Variants in CHSY1 observed in about 807,000 individuals in gnomAD.
CHSY1 encodes the protein N-acetylgalactosaminyl-proteoglycan 3-beta-glucuronosyltransferase 1.
In CHSY1, 13 loss-of-function variants were observed where a neutral mutation model predicts 59.8. The observed-to-expected ratio is 0.22, with a 90% CI of 0.14 to 0.35. The LOEUF (loss-of-function observed/expected upper bound fraction) is 0.35. Ranked by LOEUF, CHSY1 falls within the 10% of genes least tolerant of loss-of-function variation. The pLI is 1.00. For synonymous variants in CHSY1, 459 were observed against 401.2 expected (o/e 1.14, Z -1.72); for missense variants, 947 against 1,030.6 (o/e 0.92, Z 1.11).
At position 101,176,088 on chromosome 15, in the gene CHSY1, G is replaced by A. The variant is rs1333881913; in HGVS notation, c.*1300C>T. 13 of 396,004 alleles carry A rather than the reference G, an allele frequency of 3.3e-5. No homozygotes were observed. Among genetic ancestry groups the A allele is most frequent in the Non-Finnish European group, 5.8e-5 (13 of 224,862 alleles). 24.5% of individuals were successfully genotyped at this position (396,004 alleles called of 1,614,324 possible). A position where few individuals can be genotyped will look rare whatever the true frequency, so the allele number is the denominator to read the frequency against. On this transcript the variant is annotated 3_prime_UTR_variant, in exon 3 of 3. Coordinates refer to ENST00000254190, the MANE Select transcript of CHSY1 (RefSeq NM_014918.5). Reference sequence around the variant, plus strand: ...CAGTAAGGAATATAAAAATTAAGGAGGGGAAAAAGCGTTTCCAAAAGGAAA... The same window carrying A: ...CAGTAAGGAATATAAAAATTAAGGAAGGGAAAAAGCGTTTCCAAAAGGAAA...
intron 2 of CHSY1, among the ~76,000 whole-genome samples, chr15:101,197,468 C>G (rs908745871): frequency 1.4e-4 from 22 of 152,174 alleles, no homozygotes; most frequent in Non-Finnish European, 1.5e-5. Flanking sequence ...ACGTTTCCAT[C>G]TGGACTGATC....
rs888511195 is a variant in CHSY1, at chr15:101,178,705, C to T, written c.1092G>A (p.Arg364=). The T allele has an allele frequency of 1.9e-6, 3 of 1,614,250 alleles. No homozygotes were observed. The African/African-American group carries it at 4.0e-5, about 22-fold the overall frequency. ...LQLGIPPSFM[R]FQPRQREEIL... is the part of the protein sequence containing the mutation. Reference sequence around the variant, plus strand: ...TCTCCTCTCGCTGGCGGGGCTGAAACCTCATGAAGGAGGGAGGGATTCCCA... The same window carrying T: ...TCTCCTCTCGCTGGCGGGGCTGAAATCTCATGAAGGAGGGAGGGATTCCCA... The change falls in exon 3 of 3, where the codon AGG becomes AGA. Residue 364 remains arginine (R), a synonymous_variant. Coordinates refer to ENST00000254190, the MANE Select transcript of CHSY1 (RefSeq NM_014918.5).
chr15:101,251,966 G>A lies in CHSY1; in HGVS notation c.-510C>T, dbSNP rs1387999713. The A allele has an allele frequency of 1.3e-5, 2 of 151,128 alleles. No individual in the cohort carries two copies. Among genetic ancestry groups the A allele is most frequent in the African/African-American group, 2.4e-5 (1 of 41,330 alleles). 9.4% of individuals were successfully genotyped at this position (151,128 alleles called of 1,614,324 possible). ...AGGAGCCCCTCACGTCACGCACGGCGCGTTATGAAGTGGCCCCGCCGGCGG... is the reference window on the plus strand; with the variant it reads ...AGGAGCCCCTCACGTCACGCACGGCACGTTATGAAGTGGCCCCGCCGGCGG... On this transcript the variant is annotated 5_prime_UTR_variant, in exon 1 of 3. Coordinates refer to ENST00000254190, the MANE Select transcript of CHSY1 (RefSeq NM_014918.5).
At chr15:101,209,820 GGAC>G (rs1567096897) in intron 2 of CHSY1, among the ~76,000 whole-genome samples, 3 of 152,180 alleles carry the variant, frequency 2.0e-5, no homozygotes. Flanking sequence ...GAAGATGTGA[GGAC>G]AACACTATAA....
At chr15:101,225,918 G>A (rs993339740) in intron 2 of CHSY1, among the ~76,000 whole-genome samples, 6 of 152,044 alleles carry the variant, frequency 3.9e-5, no homozygotes, top group Admixed American at 6.6e-5. Context: ...ACGATATGTC[G>A]ATCCCACCTC....
In CHSY1 at chr15:101,178,394, C is replaced by G. The variant is rs766495251; in HGVS notation, c.1403G>C (p.Arg468Thr). Reference sequence around the variant, plus strand: ...AGTCTGCTGTAAATACGCGTGCCTCCTCACAGGGACCGTCATTTTCTTCCC... The same window carrying G: ...AGTCTGCTGTAAATACGCGTGCCTCGTCACAGGGACCGTCATTTTCTTCCC... ...HKGKKMTVPVRRHAYLQQTFS... is the reference protein window; with the variant it reads ...HKGKKMTVPVTRHAYLQQTFS... The change falls in exon 3 of 3, where the codon AGG becomes ACG. Residue 468 changes from arginine to threonine, a missense_variant. Transcript: ENST00000254190. 6.2e-7 allele frequency: 1 copy of G among 1,612,154 alleles called. No homozygotes were observed. Among genetic ancestry groups the G allele is most frequent in the South Asian group, 1.1e-5 (1 of 91,064 alleles).
Position 101,176,012 on chromosome 15 carries a change from C to T in CHSY1, c.*1376G>A. The T allele has an allele frequency of 2.9e-6, 1 of 349,140 alleles. No individual in the cohort carries two copies. The highest frequency in any genetic ancestry group is 5.1e-6 in the Non-Finnish European group (1 of 196,118). 21.6% of individuals were successfully genotyped at this position (349,140 alleles called of 1,614,324 possible). Reference sequence around the variant, plus strand: ...GACAGATTCATTTCACTTTTGTCCCCAAAACACATGAGCACCAAAATTGTC... The same window carrying T: ...GACAGATTCATTTCACTTTTGTCCCTAAAACACATGAGCACCAAAATTGTC... On this transcript the variant is annotated 3_prime_UTR_variant, in exon 3 of 3. Coordinates refer to ENST00000254190, the MANE Select transcript of CHSY1 (RefSeq NM_014918.5).
Position 101,225,354 on chromosome 15 carries a change from C to T in CHSY1, c.816+9728G>A, listed in dbSNP as rs1002827307. On this transcript the variant is annotated intron_variant, in intron 2 of 2. Coordinates refer to ENST00000254190, the MANE Select transcript of CHSY1 (RefSeq NM_014918.5). Reference sequence around the variant, plus strand: ...ATTACAGGCGTGAGCCACTGCTGAGCCTTGTTTTATTCTTATTTCAAAATG... The same window carrying T: ...ATTACAGGCGTGAGCCACTGCTGAGTCTTGTTTTATTCTTATTTCAAAATG... 2.0e-5 allele frequency among the ~76,000 whole-genome samples: 3 copies of T among 152,218 alleles called. No homozygotes were observed. The South Asian group carries it at 6.2e-4, about 32-fold the overall frequency.
At chr15:101,179,103 G>A (rs759035436) in intron 2 of CHSY1, 123 bp from the exon 3 acceptor site, 10 of 888,174 alleles carry the variant, frequency 1.1e-5, no homozygotes, top group Non-Finnish European at 1.6e-5. Context: ...AAAGGCCCTA[G>A]ATAAGGCCCG....
intron 2 of CHSY1, among the ~76,000 whole-genome samples, chr15:101,181,759 C>T (rs1247028651): frequency 1.3e-5 from 2 of 152,158 alleles, no homozygotes; most frequent in Non-Finnish European, 2.9e-5. Flanking sequence ...TCCTCTCTTC[C>T]CAAATACAGT....
At chr15:101,247,280 G>T (rs1036880609) in intron 1 of CHSY1, among the ~76,000 whole-genome samples, 4 of 151,874 alleles carry the variant, frequency 2.6e-5, no homozygotes, top group African/African-American at 9.7e-5. Flanking sequence ...TGCTTCCTTG[G>T]CCCTCATGCT....
chr15:101,228,608 G>C (rs56379517), intron 2 of CHSY1, among the ~76,000 whole-genome samples: 9,859 of 152,222 alleles, frequency 0.065, 410 homozygotes, highest in Non-Finnish European at 0.095. Context: ...CTATATCCAA[G>C]AAAGATGTCC....
At position 101,177,856 on chromosome 15, in the gene CHSY1, A is replaced by G; in HGVS notation, c.1941T>C (p.Asn647=). Residue 647 remains asparagine (N), a synonymous_variant, in exon 3 of 3, where the codon AAT becomes AAC. Transcript: ENST00000254190. ...TTEFLQRCRA[N]TVLGQQIYFP... is the part of the protein sequence containing the mutation. ...AATATATTTGTTGGCCCAGAACTGT[A>G]TTTGCTCGACATCGCTGAAGGAATT... The G allele has an allele frequency of 6.2e-7, 1 of 1,614,210 alleles. No homozygotes were observed. Among genetic ancestry groups the G allele is most frequent in the Non-Finnish European group, 8.5e-7 (1 of 1,180,026 alleles).
At chr15:101,204,879 T>A (rs1196949055) in intron 2 of CHSY1, among the ~76,000 whole-genome samples, 1 of 152,162 alleles carries the variant, frequency 6.6e-6, no homozygotes, top group Non-Finnish European at 1.5e-5. Context: ...CATTCCAGCC[T>A]GGGCACTAGA....
intron 2 of CHSY1, among the ~76,000 whole-genome samples, chr15:101,186,170 A>T (rs2141243456): frequency 6.6e-6 from 1 of 150,468 alleles, no homozygotes; most frequent in African/African-American, 2.4e-5. Context: ...AAAAAAAAAA[A>T]ATAGCCAGGG....
rs1043584900 is a variant in CHSY1 at position 101,176,516 on chromosome 15, T to G, written c.*872A>C. ...CTTGAAATTTAATGCCAGGTCTATTTAGGCCGAATGAACTACCACGAGAAC... is the reference window on the plus strand; with the variant it reads ...CTTGAAATTTAATGCCAGGTCTATTGAGGCCGAATGAACTACCACGAGAAC... On this transcript the variant is annotated 3_prime_UTR_variant, in exon 3 of 3. Transcript: ENST00000254190. 1.0e-5 allele frequency: 4 copies of G among 397,802 alleles called. No individual in the cohort carries two copies. Among genetic ancestry groups the G allele is most frequent in the Non-Finnish European group, 1.3e-5 (3 of 225,910 alleles). The allele number at this position is 397,802 out of a possible 1,614,324, so 24.6% of individuals were successfully genotyped here. A position where few individuals can be genotyped will look rare whatever the true frequency, so the allele number is the denominator to read the frequency against.
intron 2 of CHSY1, among the ~76,000 whole-genome samples, chr15:101,214,146 G>A (rs2038709139): frequency 6.6e-6 from 1 of 152,190 alleles, no homozygotes; most frequent in Admixed American, 6.5e-5. Context: ...GCTGTGTACA[G>A]ACATCAGGGT....
Position 101,177,342 on chromosome 15 carries a change from A to C in CHSY1, c.*46T>G. On this transcript the variant is annotated 3_prime_UTR_variant, in exon 3 of 3. Coordinates refer to ENST00000254190, the MANE Select transcript of CHSY1 (RefSeq NM_014918.5). ...ACTGATCATACAAAAAATTTTTGAA[A>C]AATAAATTAGATAATTAAAAACGTC... is the stretch of plus-strand genomic sequence containing the variant. 1 of 1,579,038 alleles carries C rather than the reference A, an allele frequency of 6.3e-7. No homozygotes were observed. The highest frequency in any genetic ancestry group is 1.8e-4 in the Middle Eastern group (1 of 5,452).
At chr15:101,195,042 G>A (rs116994576) in intron 2 of CHSY1, among the ~76,000 whole-genome samples, 7 of 152,166 alleles carry the variant, frequency 4.6e-5, no homozygotes, top group Non-Finnish European at 8.8e-5. Flanking sequence ...CATAACCCAC[G>A]CGACTCTTAA....
Sources: gnomAD v4.1 joint callset for allele counts (sites outside exome capture counted in the v4.1 genomes callset) on GRCh38, gnomAD v4.1.1 for gene constraint, MANE v1.5 for transcripts, NCBI Gene and HGNC (gene_info 2026-07-23, HGNC 2026-07-21) for gene names.